The following ZBTB26 variants were observed in gnomAD, a reference collection of about 807,000 sequenced individuals.
The protein encoded by ZBTB26 is zinc finger and BTB domain containing 26.
Under a neutral mutation model 31.6 loss-of-function variants are expected in ZBTB26, and 12 were observed. The ratio of observed to expected loss-of-function variants is 0.38; its 90% CI spans 0.24 to 0.61. ZBTB26 has a LOEUF of 0.61. Ranked by LOEUF, ZBTB26 falls within the 20% of genes least tolerant of loss-of-function variation. The probability of loss-of-function intolerance (pLI) is 0.60; values close to 1 mark genes in which losing one functional copy is unlikely to be tolerated. For missense variants in ZBTB26, 311 were observed against 521.9 expected (o/e 0.60, Z 3.94); for synonymous variants, 155 against 182.9 (o/e 0.85, Z 1.23).
chr9:122,925,895 G>A (rs993755557), intron 1 of ZBTB26, among the ~76,000 whole-genome samples: 1 of 151,870 alleles, frequency 6.6e-6, no homozygotes, highest in African/African-American at 2.4e-5. Context: ...CCAGTAGCTG[G>A]GATTACAGGC....
rs1234517109 is a variant in ZBTB26, at chr9:122,916,272, AAGCAAATTG to A, written c.*2328_*2336del. The stretch of plus-strand genomic sequence containing the variant: ...GCTTTCTTTATTATTTCTAGTATAA[AAGCAAATTG>A]AGACTTTGTTTCACTAAGACCACAT... On this transcript the variant is annotated 3_prime_UTR_variant, in exon 2 of 2. Coordinates refer to ENST00000373656, the MANE Select transcript of ZBTB26 (RefSeq NM_020924.4). The A allele has an allele frequency of 6.6e-6, 1 of 152,240 alleles. No homozygotes were observed. The highest frequency in any genetic ancestry group is 1.5e-5 in the Non-Finnish European group (1 of 68,036). The allele number at this position is 152,240 out of a possible 1,614,324, so 9.4% of individuals were successfully genotyped here.
At chr9:122,921,967 T>C (rs1833106217) in intron 1 of ZBTB26, among the ~76,000 whole-genome samples, 4 of 151,106 alleles carry the variant, frequency 2.6e-5, no homozygotes, top group Admixed American at 2.0e-4. Flanking sequence ...AAGCCAGGCA[T>C]GGTGGCTCAT....
intron 1 of ZBTB26, among the ~76,000 whole-genome samples, chr9:122,929,340 C>G (rs1448103039): frequency 6.6e-6 from 1 of 152,170 alleles, no homozygotes; most frequent in Non-Finnish European, 1.5e-5. Flanking sequence ...TCTTCTCAAC[C>G]TGGGTCTCTT....
intron 1 of ZBTB26, among the ~76,000 whole-genome samples, chr9:122,925,021 T>C (rs1439862780): frequency 6.6e-6 from 1 of 152,154 alleles, no homozygotes; most frequent in East Asian, 1.9e-4. Flanking sequence ...TATTTAAAAA[T>C]AAGAGAAATG....
Position 122,916,680 on chromosome 9 carries a change from A to G in ZBTB26, c.*1929T>C, listed in dbSNP as rs533395732. ...AAAAATCACAATGCTAGGAAGCATC[A>G]TTAGACCATATAATGAGTGATGTTA... On this transcript the variant is annotated 3_prime_UTR_variant, in exon 2 of 2. Coordinates refer to ENST00000373656, the MANE Select transcript of ZBTB26 (RefSeq NM_020924.4). 2.6e-5 allele frequency: 4 copies of G among 152,340 alleles called. No individual in the cohort carries two copies. In the South Asian group the frequency reaches 6.2e-4, roughly 24 times the overall value. 9.4% of individuals were successfully genotyped at this position (152,340 alleles called of 1,614,324 possible).
At chr9:122,925,765 AT>A (rs59850053) in intron 1 of ZBTB26, among the ~76,000 whole-genome samples, 5 of 103,934 alleles carry the variant, frequency 4.8e-5, no homozygotes, top group East Asian at 2.8e-4. Flanking sequence ...TGCCCAGCTA[AT>A]TTTTTTTTTT....
chr9:122,923,711 C>T (rs909733280), intron 1 of ZBTB26, among the ~76,000 whole-genome samples: 1 of 152,164 alleles, frequency 6.6e-6, no homozygotes, highest in Non-Finnish European at 1.5e-5. Context: ...ATTGGTTCTA[C>T]CTATATTATG....
rs773343169 is a variant in ZBTB26 at position 122,919,240 on chromosome 9, A to G, written c.695T>C (p.Ile232Thr). The G allele has an allele frequency of 1.9e-6, 3 of 1,614,188 alleles. No homozygotes were observed. Among genetic ancestry groups the G allele is most frequent in the South Asian group, 2.2e-5 (2 of 91,088 alleles). ...NSTVENRVSE[I>T]EQNHLHNYAL... is the part of the protein sequence containing the mutation. ...ATAATTGTGGAGATGGTTTTGTTCT[A>G]TTTCACTTACTCTGTTTTCCACAGT... The change falls in exon 2 of 2, where the codon ATA becomes ACA. Residue 232 changes from isoleucine to threonine, a missense_variant. Physicochemically the swap from Ile to Thr is moderately conservative, Grantham distance 89. Around this residue, in one of 5 missense-constraint regions of ZBTB26, gnomAD observed 207 missense variants for 298.6 expected, o/e 0.69. Coordinates refer to ENST00000373656, the MANE Select transcript of ZBTB26 (RefSeq NM_020924.4). This position sits in a 1 kb window ranked among gnomAD's most constrained non-coding sequence, Gnocchi z 6.1.
At chr9:122,930,512 A>G (rs1833255998) in intron 1 of ZBTB26, among the ~76,000 whole-genome samples, 1 of 152,254 alleles carries the variant, frequency 6.6e-6, no homozygotes, top group Non-Finnish European at 1.5e-5. Context: ...TGCAGTTAAT[A>G]GAAAGTCCCT....
At chr9:122,925,246 G>A (rs1329301997) in intron 1 of ZBTB26, among the ~76,000 whole-genome samples, 3 of 151,990 alleles carry the variant, frequency 2.0e-5, no homozygotes, top group Admixed American at 6.6e-5. Context: ...GGTGTCATGC[G>A]CCTGTAGTCC....
chr9:122,918,584 C>A lies in ZBTB26; in HGVS notation c.*25G>T. 1 of 1,591,132 alleles carries A rather than the reference C, an allele frequency of 6.3e-7. No homozygotes were observed. Among genetic ancestry groups the A allele is most frequent in the South Asian group, 1.2e-5 (1 of 86,888 alleles). ...ACTATTGCCACATTGTCAGTCAGTT[C>A]GAGTTGTGAGCATGAAGCCCCTACT... On this transcript the variant is annotated 3_prime_UTR_variant, in exon 2 of 2. Transcript: ENST00000373656.
intron 1 of ZBTB26, among the ~76,000 whole-genome samples, chr9:122,927,416 T>C (rs1833199682): frequency 6.6e-6 from 1 of 152,194 alleles, no homozygotes; most frequent in African/African-American, 2.4e-5. Flanking sequence ...TAATAACTAC[T>C]GGCAAGTAAA....
At chr9:122,930,696 C>A (rs546047919) in intron 1 of ZBTB26, among the ~76,000 whole-genome samples, 1 of 152,208 alleles carries the variant, frequency 6.6e-6, no homozygotes, top group Admixed American at 6.5e-5. Flanking sequence ...CATAGGAGTC[C>A]CCCCATTTCC....
At chr9:122,925,568 C>T (rs1216281571) in intron 1 of ZBTB26, among the ~76,000 whole-genome samples, 9 of 152,014 alleles carry the variant, frequency 5.9e-5, no homozygotes, top group Admixed American at 5.9e-4. Context: ...ATGCCAAAAT[C>T]CAGGTATGAA....
intron 1 of ZBTB26, among the ~76,000 whole-genome samples, chr9:122,924,789 C>T (rs535936900): frequency 6.6e-6 from 1 of 152,038 alleles, no homozygotes; most frequent in South Asian, 2.1e-4. Flanking sequence ...CCACACCTAG[C>T]TAATGTTTTT....
At position 122,918,391 on chromosome 9, in the gene ZBTB26, T is replaced by C; in HGVS notation, c.*218A>G. 1 of 580,090 alleles carries C rather than the reference T, an allele frequency of 1.7e-6. No homozygotes were observed. 35.9% of individuals were successfully genotyped at this position (580,090 alleles called of 1,614,324 possible). A position where few individuals can be genotyped will look rare whatever the true frequency, so the allele number is the denominator to read the frequency against. On this transcript the variant is annotated 3_prime_UTR_variant, in exon 2 of 2. Transcript: ENST00000373656. ...TATTCCTTGGGAAAGGAAAACAGAC[T>C]TTACAAGATAAATAACTCAAAACAG...
intron 1 of ZBTB26, among the ~76,000 whole-genome samples, chr9:122,920,462 G>A (rs1833078472): frequency 6.6e-6 from 1 of 152,198 alleles, no homozygotes; most frequent in African/African-American, 2.4e-5. Context: ...GAAGAAGAGA[G>A]AACCTACAGC....
In ZBTB26 at chr9:122,918,902, G is replaced by A; in HGVS notation, c.1033C>T (p.Leu345Phe). The change falls in exon 2 of 2, where the codon CTT becomes TTT. Residue 345 changes from leucine (L) to phenylalanine (F), a missense_variant. By Grantham distance (22) the Leu-to-Phe change is conservative. Coordinates refer to ENST00000373656, the MANE Select transcript of ZBTB26 (RefSeq NM_020924.4). ...GGCTTATCTCCACTGTGAAGGTTAA[G>A]ATGATCCTGTAAGGAACACTTCTGA... is the stretch of plus-strand genomic sequence containing the variant. ...FSQKCSLQDH[L>F]NLHSGDKPHK... 6.2e-7 allele frequency: 1 copy of A among 1,614,200 alleles called. No individual in the cohort carries two copies. The highest frequency in any genetic ancestry group is 8.5e-7 in the Non-Finnish European group (1 of 1,180,034).
intron 1 of ZBTB26, among the ~76,000 whole-genome samples, chr9:122,921,286 T>G (rs753954525): frequency 6.6e-6 from 1 of 152,238 alleles, no homozygotes; most frequent in Non-Finnish European, 1.5e-5. Flanking sequence ...CACTAGTCAC[T>G]GTAAACTAAT....
Sources: gnomAD v4.1 joint callset for allele counts (sites outside exome capture counted in the v4.1 genomes callset) on GRCh38, gnomAD v4.1.1 for gene constraint, gnomAD v4.1.1 regional missense constraint, Gnocchi (gnomAD v3.1) non-coding constraint, MANE v1.5 for transcripts, NCBI Gene and HGNC (gene_info 2026-07-23, HGNC 2026-07-21) for gene names.